SORBS2: variants seen among roughly 807,000 people sequenced by gnomAD.
The protein encoded by SORBS2 is sorbin and SH3 domain-containing protein 2.
A neutral mutation model predicts 97.7 loss-of-function variants in SORBS2; 46 were observed. That is an observed-to-expected ratio of 0.47 (90% CI 0.37 to 0.60). SORBS2 has a LOEUF of 0.60. Among genes scored for constraint, SORBS2 ranks in the 20% least tolerant of loss-of-function variants. The pLI, the probability that SORBS2 is intolerant of heterozygous loss-of-function variation, is 0.00. For missense variants in SORBS2, 1,316 were observed against 1,282.3 expected, an observed-to-expected ratio of 1.03 and a Z score of -0.40; for synonymous variants, 476 against 473.4, an observed-to-expected ratio of 1.01 and a Z score of -0.07.
intron 1 of SORBS2, among the ~76,000 whole-genome samples, chr4:185,836,819 G>T (rs1348905192): frequency 2.0e-5 from 3 of 152,330 alleles, no homozygotes; most frequent in African/African-American, 7.2e-5. Flanking sequence ...TAGAGACAAA[G>T]AAATTATGCG....
chr4:185,623,982 G>C lies in SORBS2; in HGVS notation c.1147C>G (p.Gln383Glu). 6.2e-7 allele frequency: 1 copy of C among 1,614,198 alleles called. No homozygotes were observed. The highest frequency in any genetic ancestry group is 1.1e-5 in the South Asian group (1 of 91,082). The change falls in exon 7 of 15, where the codon CAG (glutamine) becomes GAG (glutamate). Residue 383 changes from glutamine (Q) to glutamate (E), a missense_variant. Coordinates refer to ENST00000418609, the Ensembl canonical transcript of SORBS2. The surrounding 1 kb of genome is among the most constrained non-coding windows in gnomAD (Gnocchi z 6.4). ...TTGTGCTGCTGCTCGCTCTCGTACT[G>C]CAGAATCCTGGACTTCACGGAGCAG... is the stretch of plus-strand genomic sequence containing the variant.
chr4:185,615,281 A>G, intron 9 of SORBS2, 122 bp from the exon 22 acceptor site: 1 of 657,918 alleles, frequency 1.5e-6, no homozygotes, highest in Non-Finnish European at 2.7e-6. Flanking sequence ...AATCCAATTG[A>G]TATTGAGTCC....
rs184927146 is a variant in SORBS2, at chr4:185,594,531, C to T, written c.2797-596G>A. ...GAGAAAACAGAACTTTGGAATGCAA[C>T]GAACAATATCCGGGTAACATGTAAC... On this transcript the variant is annotated intron_variant, in intron 12 of 14. Transcript: ENST00000418609. Among the ~76,000 whole-genome samples the T allele has an allele frequency of 4.0e-3, 610 of 152,200 alleles. 2 individuals are homozygous for T. Among genetic ancestry groups the T allele is most frequent in the African/African-American group, 0.014 (578 of 41,534 alleles).
chr4:185,726,722 G>A (rs983094687), intron 2 of SORBS2, among the ~76,000 whole-genome samples: 1 of 151,744 alleles, frequency 6.6e-6, no homozygotes, highest in African/African-American at 2.4e-5. Flanking sequence ...TTCTTACACG[G>A]TTTGTTCTAC....
intron 1 of SORBS2, among the ~76,000 whole-genome samples, chr4:185,905,073 C>T (rs1271133633): frequency 1.3e-5 from 2 of 151,434 alleles, no homozygotes; most frequent in Non-Finnish European, 2.9e-5. Flanking sequence ...CACTGCACTC[C>T]AGCCTGGGCA....
intron 1 of SORBS2, among the ~76,000 whole-genome samples, chr4:185,804,866 A>C (rs530076982): frequency 7.0e-6 from 1 of 142,406 alleles, no homozygotes; most frequent in Non-Finnish European, 1.6e-5. Flanking sequence ...TGCAGCTTCT[A>C]TGGTTTTTTT....
At chr4:185,743,802 T>C (rs889230172) in intron 2 of SORBS2, among the ~76,000 whole-genome samples, 1 of 150,522 alleles carries the variant, frequency 6.6e-6, no homozygotes, top group African/African-American at 2.4e-5. Flanking sequence ...TTATTCCTCT[T>C]CCTCCTCCTT....
At chr4:185,677,565 A>G (rs1474126362) in intron 4 of SORBS2, 30 of 1,545,938 alleles carry the variant, frequency 1.9e-5, no homozygotes, top group Non-Finnish European at 2.4e-5. Flanking sequence ...TAACTGGTCT[A>G]AAATGACACC....
intron 1 of SORBS2, among the ~76,000 whole-genome samples, chr4:185,856,722 C>T (rs2099220721): frequency 6.6e-6 from 1 of 151,980 alleles, no homozygotes. Context: ...TCTCAGGTTG[C>T]TATAAGGAAA....
intron 2 of SORBS2, among the ~76,000 whole-genome samples, chr4:185,689,850 T>A (rs1374253201): frequency 3.9e-5 from 6 of 152,200 alleles, no homozygotes; most frequent in African/African-American, 1.4e-4. Context: ...AATGGTATCG[T>A]TTAAACACAA....
At chr4:185,637,237 G>C (rs2097026006) in intron 4 of SORBS2, among the ~76,000 whole-genome samples, 1 of 152,214 alleles carries the variant, frequency 6.6e-6, no homozygotes, top group Non-Finnish European at 1.5e-5. Context: ...GTTTAGATAT[G>C]TTTAGGTACA....
chr4:185,615,206 A>C, intron 9 of SORBS2, 47 bp from the exon 22 acceptor site: 1 of 1,109,224 alleles, frequency 9.0e-7, no homozygotes, highest in Non-Finnish European at 1.4e-6. Flanking sequence ...TACAGCAATA[A>C]TTCTCAAGAT....
intron 1 of SORBS2, among the ~76,000 whole-genome samples, chr4:185,790,379 G>A (rs1483479985): frequency 2.0e-5 from 3 of 152,132 alleles, no homozygotes; most frequent in South Asian, 2.1e-4. Flanking sequence ...ATATTGTAGC[G>A]AAAACATTCC....
intron 2 of SORBS2, among the ~76,000 whole-genome samples, chr4:185,706,801 C>T (rs1294339128): frequency 6.6e-6 from 1 of 152,090 alleles, no homozygotes; most frequent in Non-Finnish European, 1.5e-5. Flanking sequence ...CATATAATTA[C>T]ATTGCTAAGA....
chr4:185,690,633 T>A (rs1219528576), intron 2 of SORBS2, 22 bp from the exon 4 acceptor site: 2 of 1,140,016 alleles, frequency 1.8e-6, no homozygotes, highest in African/African-American at 3.1e-5. Flanking sequence ...AAATGGTGCA[T>A]AATTGTTCAC....
At chr4:185,836,873 G>C (rs2099208408) in intron 1 of SORBS2, among the ~76,000 whole-genome samples, 1 of 152,158 alleles carries the variant, frequency 6.6e-6, no homozygotes, top group African/African-American at 2.4e-5. Flanking sequence ...CTAAAAACTG[G>C]CTCTGTGATC....
At chr4:185,778,657 T>A (rs2153632243) in intron 1 of SORBS2, among the ~76,000 whole-genome samples, 1 of 152,286 alleles carries the variant, frequency 6.6e-6, no homozygotes, top group Admixed American at 6.5e-5. Context: ...TGGATGTGAC[T>A]CGAGCATCTG....
chr4:185,752,327 G>C (rs771978418), intron 2 of SORBS2, among the ~76,000 whole-genome samples: 5 of 152,060 alleles, frequency 3.3e-5, no homozygotes, highest in South Asian at 2.1e-4. Flanking sequence ...CCAGGCTGGA[G>C]TGCAGTGGCA....
chr4:185,762,803 C>T (rs757569556), intron 2 of SORBS2, among the ~76,000 whole-genome samples: 2 of 152,144 alleles, frequency 1.3e-5, no homozygotes, highest in Non-Finnish European at 2.9e-5. Flanking sequence ...TATATGCTTT[C>T]ATGAACTTTA....
Sources: gnomAD v4.1 joint callset for allele counts (sites outside exome capture counted in the v4.1 genomes callset) on GRCh38, gnomAD v4.1.1 for gene constraint, Gnocchi (gnomAD v3.1) non-coding constraint, MANE v1.5 for transcripts, NCBI Gene and HGNC (gene_info 2026-07-23, HGNC 2026-07-21) for gene names.